DNAH6: variants seen among roughly 807,000 people sequenced by gnomAD.
DNAH6 encodes the protein axonemal beta dynein heavy chain 6.
DNAH6 carries 340 observed loss-of-function variants against 491.4 expected under a neutral mutation model. The observed-to-expected ratio is 0.69, with a 90% confidence interval of 0.63 to 0.76. The LOEUF is 0.76. DNAH6 is among the 30% of genes least tolerant of loss of function. The probability of loss-of-function intolerance (pLI) is 0.00; values close to 1 mark genes in which losing one functional copy is unlikely to be tolerated. For synonymous variants in DNAH6, 1,603 were observed against 1,686.1 expected, an observed-to-expected ratio of 0.95 and a Z score of 1.21; for missense variants, 4,443 against 4,972.2, an observed-to-expected ratio of 0.89 and a Z score of 3.20.
At chr2:84,733,708 A>G (rs1699298751) in intron 62 of DNAH6, 129 bp downstream of exon 62, 2 of 893,406 alleles carry the variant, frequency 2.2e-6, no homozygotes, top group South Asian at 5.0e-5. Flanking sequence ...TTTCTAAGAA[A>G]CTGTAAATTA....
the DNAH6 span, among the ~76,000 whole-genome samples, chr2:84,468,026 C>G: frequency 6.6e-6 from 1 of 151,982 alleles, no homozygotes; most frequent in Admixed American, 6.6e-5. Flanking sequence ...GTTTATATGA[C>G]CTTAAAGCAT....
chr2:84,717,521 G>A (rs1014235205), intron 58 of DNAH6, among the ~76,000 whole-genome samples: 1 of 151,040 alleles, frequency 6.6e-6, no homozygotes. Context: ...ACTAGAGTCT[G>A]TTTGTTCACC....
intron 48 of DNAH6, among the ~76,000 whole-genome samples, chr2:84,700,555 T>C (rs1466400259): frequency 6.6e-6 from 1 of 152,224 alleles, no homozygotes; most frequent in African/African-American, 2.4e-5. Context: ...GAAGCATTTC[T>C]GGGCTGCACT....
intron 11 of DNAH6, among the ~76,000 whole-genome samples, chr2:84,569,975 A>G (rs756066665): frequency 2.0e-5 from 3 of 151,528 alleles, no homozygotes; most frequent in Non-Finnish European, 4.4e-5. Context: ...CGTTTCCTAG[A>G]CCTGTCTGTT....
intron 75 of DNAH6, 92 bp from the exon 76 acceptor site, chr2:84,815,769 T>C: frequency 4.4e-6 from 4 of 898,896 alleles, no homozygotes; most frequent in South Asian, 3.4e-5. Context: ...TTTTTTAGAA[T>C]TACCTGGTGA....
chr2:84,777,856 G>A, intron 64 of DNAH6: 1 of 1,247,292 alleles, frequency 8.0e-7, no homozygotes, highest in Non-Finnish European at 1.2e-6. Context: ...TAAGCAAATT[G>A]CAGTTCGTGC....
In DNAH6 at chr2:84,532,042, C is replaced by G. The variant is rs543739925; in HGVS notation, c.662+2876C>G. 2.0e-5 allele frequency among the ~76,000 whole-genome samples: 3 copies of G among 151,934 alleles called. No homozygotes were observed. The East Asian group carries it at 5.8e-4, about 29-fold the overall frequency. On this transcript the variant is annotated intron_variant, in intron 4 of 76. Coordinates refer to ENST00000389394, the MANE Select transcript of DNAH6 (RefSeq NM_001370.2). The stretch of plus-strand genomic sequence containing the variant: ...AGGAAAAAAATAATCATCTAATAAC[C>G]CAGATATCAAAGAGTACTATTTGTG...
rs11314818 is a variant in DNAH6 at position 84,733,874 on chromosome 2, G to GT, written c.10342+306dup. Among the ~76,000 whole-genome samples, 82 of 147,192 alleles carry GT rather than the reference G, an allele frequency of 5.6e-4. 1 individual carries two copies. The highest frequency in any genetic ancestry group is 1.1e-3 in the South Asian group (5 of 4,636). On this transcript the variant is annotated intron_variant, in intron 62 of 76. Coordinates refer to ENST00000389394, the MANE Select transcript of DNAH6 (RefSeq NM_001370.2). ...GTATTGCTTTAGCTGTATCCCATAGGTTTTTTTTTTTACTTTTTATTGAAG... is the reference window on the plus strand; with the variant it reads ...GTATTGCTTTAGCTGTATCCCATAGGTTTTTTTTTTTTACTTTTTATTGAAG...
chr2:84,481,072 C>G, the DNAH6 span, among the ~76,000 whole-genome samples: 1 of 152,122 alleles, frequency 6.6e-6, no homozygotes, highest in African/African-American at 2.4e-5. Context: ...CTTGGATCCT[C>G]TAGCAAACAC....
In DNAH6 at chr2:84,615,998, G is replaced by A. The variant is rs191765112; in HGVS notation, c.3476-888G>A. ...TTTCTATGTATTTGTATGGTTTTGA[G>A]GATTCCTTTTGGAGTTGATTTCCAA... On this transcript the variant is annotated intron_variant, in intron 22 of 76. Coordinates refer to ENST00000389394, the MANE Select transcript of DNAH6 (RefSeq NM_001370.2). Among the ~76,000 whole-genome samples the A allele has an allele frequency of 2.0e-4, 30 of 151,982 alleles. No individual in the cohort carries two copies. In the East Asian group the frequency reaches 5.2e-3, roughly 26 times the overall value.
chr2:84,731,653 G>A lies in DNAH6; in HGVS notation c.10207-1791G>A, dbSNP rs185573737. Among the ~76,000 whole-genome samples the A allele has an allele frequency of 1.8e-3, 278 of 152,292 alleles. 4 individuals carry two copies. The highest frequency in any genetic ancestry group is 0.015 in the Admixed American group (233 of 15,302). ...AGTAACTGACTTCATTTCCAACACA[G>A]TATGGAAAAGTTTAAGCCTAATGAT... On this transcript the variant is annotated intron_variant, in intron 61 of 76. Coordinates refer to ENST00000389394, the MANE Select transcript of DNAH6 (RefSeq NM_001370.2).
chr2:84,500,520 T>G, the DNAH6 span, among the ~76,000 whole-genome samples: 1 of 152,222 alleles, frequency 6.6e-6, no homozygotes, highest in Non-Finnish European at 1.5e-5. Flanking sequence ...CTGGGTCTTT[T>G]TATGGTTCCA....
At chr2:84,722,994 G>A (rs565942032) in intron 60 of DNAH6, among the ~76,000 whole-genome samples, 190 bp downstream of exon 60, 121 of 152,258 alleles carry the variant, frequency 7.9e-4, no homozygotes, top group African/African-American at 2.8e-3. Context: ...TTGGGAGGCC[G>A]AGGTGGGTGG....
chr2:84,712,690 A>C (rs997281364), intron 56 of DNAH6, among the ~76,000 whole-genome samples: 3 of 152,230 alleles, frequency 2.0e-5, no homozygotes, highest in Non-Finnish European at 4.4e-5. Context: ...AAATGGCTAC[A>C]TGGGGCCAGA....
the DNAH6 span, among the ~76,000 whole-genome samples, chr2:84,510,329 C>A: frequency 6.6e-6 from 1 of 152,304 alleles, no homozygotes; most frequent in South Asian, 2.1e-4. Context: ...TTCATTTGAT[C>A]TTCCATCACT....
chr2:84,662,644 C>T (rs1295759532), intron 37 of DNAH6, among the ~76,000 whole-genome samples: 1 of 152,198 alleles, frequency 6.6e-6, no homozygotes, highest in Non-Finnish European at 1.5e-5. Flanking sequence ...CTCAAGGAGG[C>T]CTACCTGCCT....
intron 32 of DNAH6, 65 bp from the exon 33 acceptor site, chr2:84,641,882 G>A: frequency 7.3e-7 from 1 of 1,365,594 alleles, no homozygotes; most frequent in East Asian, 2.5e-5. Flanking sequence ...CTCCCCACAG[G>A]TTTAGAAAAT....
At chr2:84,507,024 G>A in the DNAH6 span, among the ~76,000 whole-genome samples, 2 of 152,182 alleles carry the variant, frequency 1.3e-5, no homozygotes, top group Admixed American at 1.3e-4. Context: ...TTGTTCTTTG[G>A]CTTAGGGTTG....
Position 84,753,755 on chromosome 2 carries a change from TAAAAAAAAAAA to T in DNAH6, c.10512+8520_10512+8530del, listed in dbSNP as rs1162541312. On this transcript the variant is annotated intron_variant, in intron 63 of 76. Transcript: ENST00000389394. ...CTGGGCAACAGGAGTGAAACTCTGT[TAAAAAAAAAAA>T]AAAAAAAAAAAAAGTACAGTTTTGG... 3.9e-5 allele frequency among the ~76,000 whole-genome samples: 3 copies of T among 77,126 alleles called. 1 individual carries two copies. The highest frequency in any genetic ancestry group is 1.7e-4 in the African/African-American group (3 of 17,580). The allele number at this position is 77,126 out of a possible 152,430, so 50.6% of individuals were successfully genotyped here.
Sources: gnomAD v4.1 joint callset for allele counts (sites outside exome capture counted in the v4.1 genomes callset) on GRCh38, gnomAD v4.1.1 for gene constraint, MANE v1.5 for transcripts, NCBI Gene and HGNC (gene_info 2026-07-23, HGNC 2026-07-21) for gene names.